The following RBFOX1 variants were observed in gnomAD, a reference collection of about 807,000 sequenced individuals.
RBFOX1 encodes the protein RNA binding protein fox-1 homolog 1.
RBFOX1 carries 8 observed loss-of-function variants against 57.7 expected under a neutral mutation model. The observed-to-expected ratio is 0.14, with a 90% CI of 0.08 to 0.25. The LOEUF is 0.25. Ranked by LOEUF, RBFOX1 falls within the 10% of genes least tolerant of loss-of-function variation. The pLI is 1.00. For missense variants in RBFOX1, 611 were observed against 548.5 expected, an observed-to-expected ratio of 1.11 and a Z score of -1.14; for synonymous variants, 326 against 222.4, an observed-to-expected ratio of 1.47 and a Z score of -4.15.
chr16:5,779,106 A>G (rs753461240), intron 3 of RBFOX1, among the ~76,000 whole-genome samples: 3 of 152,176 alleles, frequency 2.0e-5, no homozygotes, highest in Non-Finnish European at 4.4e-5. Flanking sequence ...CATGAACTCA[A>G]AATATTTTGA....
At chr16:5,322,389 G>A (rs747117208) in intron 1 of RBFOX1, among the ~76,000 whole-genome samples, 3 of 152,120 alleles carry the variant, frequency 2.0e-5, no homozygotes, top group Non-Finnish European at 4.4e-5. Context: ...GCACGCCTAG[G>A]GGTTTGGGGT....
intron 4 of RBFOX1, among the ~76,000 whole-genome samples, chr16:7,463,989 A>C (rs368467604): frequency 6.6e-6 from 1 of 152,306 alleles, no homozygotes; most frequent in East Asian, 1.9e-4. Context: ...TCAGAAGGAA[A>C]GTGTGAAGCT....
intron 1 of RBFOX1, among the ~76,000 whole-genome samples, chr16:6,136,351 T>A (rs1298625976): frequency 1.3e-5 from 2 of 152,092 alleles, no homozygotes; most frequent in Non-Finnish European, 2.9e-5. Context: ...TAATCGCAGT[T>A]GAGCCGTATT....
At chr16:5,731,519 G>GA (rs2052373336) in intron 3 of RBFOX1, among the ~76,000 whole-genome samples, 1 of 152,186 alleles carries the variant, frequency 6.6e-6, no homozygotes, top group African/African-American at 2.4e-5. Context: ...GCCGTGATTT[G>GA]AACCTCAGTT....
intron 13 of RBFOX1, among the ~76,000 whole-genome samples, chr16:7,667,135 T>A (rs577487544): frequency 6.6e-6 from 1 of 152,312 alleles, no homozygotes; most frequent in East Asian, 1.9e-4. Context: ...GAGATTTGAT[T>A]ACCCAGCACA....
intron 5 of RBFOX1, among the ~76,000 whole-genome samples, chr16:7,564,262 G>A (rs932163722): frequency 6.6e-6 from 1 of 152,064 alleles, no homozygotes. Context: ...CACTCAAGCC[G>A]GGCGTGGTGG....
chr16:6,913,098 G>A lies in RBFOX1; in HGVS notation c.-15-138959G>A, dbSNP rs115960452. On this transcript the variant is annotated intron_variant, in intron 3 of 15. Transcript: ENST00000550418. ...GCAGGAAAACCATTATGGAAGCAAC[G>A]TCTGTCCACCCACCAGGCCGCTGGG... 2.5e-3 allele frequency among the ~76,000 whole-genome samples: 381 copies of A among 152,246 alleles called. 2 individuals carry two copies. Among genetic ancestry groups the A allele is most frequent in the African/African-American group, 8.4e-3 (351 of 41,544 alleles).
intron 3 of RBFOX1, among the ~76,000 whole-genome samples, chr16:6,742,749 C>G (rs1002713241): frequency 3.3e-5 from 5 of 152,040 alleles, no homozygotes; most frequent in African/African-American, 9.7e-5. Flanking sequence ...AGGTTATAGA[C>G]TATACAATGT....
At chr16:6,298,622 G>C (rs1446225526) in intron 1 of RBFOX1, among the ~76,000 whole-genome samples, 3 of 152,134 alleles carry the variant, frequency 2.0e-5, no homozygotes, top group Non-Finnish European at 4.4e-5. Context: ...ATATGCATGT[G>C]ATTGACCAAA....
At chr16:7,660,000 A>G (rs1285856573) in intron 12 of RBFOX1, among the ~76,000 whole-genome samples, 1 of 152,190 alleles carries the variant, frequency 6.6e-6, no homozygotes, top group Non-Finnish European at 1.5e-5. Flanking sequence ...AAATAGCGGT[A>G]TTTGAACACC....
At chr16:7,695,455 C>T in intron 14 of RBFOX1, among the ~76,000 whole-genome samples, 1 of 151,984 alleles carries the variant, frequency 6.6e-6, no homozygotes, top group East Asian at 1.9e-4. Flanking sequence ...GAGTCTAAGA[C>T]CAGCCTGGCC....
At chr16:7,430,667 A>AT (rs1360342235) in intron 4 of RBFOX1, among the ~76,000 whole-genome samples, 1 of 151,504 alleles carries the variant, frequency 6.6e-6, no homozygotes, top group East Asian at 1.9e-4. Flanking sequence ...CTCAAAAAAA[A>AT]AAAAAAAAGT....
chr16:6,742,527 C>T (rs570454440), intron 3 of RBFOX1, among the ~76,000 whole-genome samples: 2 of 152,248 alleles, frequency 1.3e-5, no homozygotes, highest in African/African-American at 4.8e-5. Flanking sequence ...CCCCAGAAAG[C>T]TATACACAAT....
chr16:6,709,773 G>T (rs960242914), intron 3 of RBFOX1, among the ~76,000 whole-genome samples: 4 of 152,082 alleles, frequency 2.6e-5, no homozygotes, highest in African/African-American at 7.2e-5. Flanking sequence ...AACTCGCTCA[G>T]CCCAGGAGAT....
chr16:6,456,355 C>G (rs1027966076), intron 2 of RBFOX1, among the ~76,000 whole-genome samples: 1 of 152,134 alleles, frequency 6.6e-6, no homozygotes, highest in African/African-American at 2.4e-5. Context: ...GTCTTCCAGG[C>G]TGGAGTGCAT....
intron 2 of RBFOX1, among the ~76,000 whole-genome samples, chr16:5,528,256 C>T (rs1332099464): frequency 6.6e-6 from 1 of 152,164 alleles, no homozygotes; most frequent in Non-Finnish European, 1.5e-5. Flanking sequence ...GCTACGGTGC[C>T]TATCAGTTTT....
chr16:5,288,076 C>T (rs879870873), intron 1 of RBFOX1, among the ~76,000 whole-genome samples: 16 of 152,150 alleles, frequency 1.1e-4, no homozygotes, highest in Non-Finnish European at 1.0e-4. Flanking sequence ...TGTGTACGGC[C>T]GACTCCACAT....
Position 6,019,495 on chromosome 16 carries a change from C to G in RBFOX1, c.-624C>G. ...AATCCCTCCCCCTCCGCCCCAGCCC[C>G]CCAGCAGCACCCGCGGTGGGGCGGG... is the stretch of plus-strand genomic sequence containing the variant. On this transcript the variant is annotated 5_prime_UTR_variant, in exon 1 of 16. Coordinates refer to ENST00000550418, the MANE Select transcript of RBFOX1 (RefSeq NM_018723.4). The surrounding 1 kb of genome is among the most constrained non-coding windows in gnomAD (Gnocchi z 4.2). 9.8e-7 allele frequency: 1 copy of G among 1,020,188 alleles called. No homozygotes were observed. 63.2% of individuals were successfully genotyped at this position (1,020,188 alleles called of 1,614,324 possible).
At chr16:6,950,359 G>T (rs893891704) in intron 3 of RBFOX1, among the ~76,000 whole-genome samples, 2 of 151,962 alleles carry the variant, frequency 1.3e-5, no homozygotes, top group Non-Finnish European at 2.9e-5. Context: ...TACTTGTGTG[G>T]ATCTCTGTCC....
Sources: allele counts gnomAD v4.1 joint callset (sites outside exome capture counted in the v4.1 genomes callset), GRCh38; gene constraint gnomAD v4.1.1; non-coding constraint Gnocchi (gnomAD v3.1); transcripts MANE v1.5; gene names NCBI Gene and HGNC (gene_info 2026-07-23, HGNC 2026-07-21).